Variants in MCF2L2 observed in about 807,000 individuals in gnomAD.
The protein encoded by MCF2L2 is probable guanine nucleotide exchange factor MCF2L2.
In MCF2L2, 102 loss-of-function variants were observed where a neutral mutation model predicts 150.2. The observed-to-expected ratio is 0.68, with a 90% CI of 0.58 to 0.80. The LOEUF is 0.80. MCF2L2 is among the 30% of genes least tolerant of loss of function. MCF2L2 has a pLI of 0.00. For synonymous variants in MCF2L2, 465 were observed against 491.3 expected, an observed-to-expected ratio of 0.95 and a Z score of 0.71; for missense variants, 1,256 against 1,372.8, an observed-to-expected ratio of 0.91 and a Z score of 1.34.
chr3:183,386,207 C>T (rs1713822554), intron 2 of MCF2L2, among the ~76,000 whole-genome samples: 1 of 152,158 alleles, frequency 6.6e-6, no homozygotes, highest in Non-Finnish European at 1.5e-5. Flanking sequence ...GGAATGTGAA[C>T]CCAGAATTGT....
intron 15 of MCF2L2, among the ~76,000 whole-genome samples, chr3:183,248,856 A>G (rs1174468363): frequency 6.6e-6 from 1 of 152,174 alleles, no homozygotes; most frequent in Admixed American, 6.5e-5. Context: ...TATATTTTTA[A>G]AAAAAGAAAA....
At chr3:183,365,925 CA>C (rs1306925051) in intron 3 of MCF2L2, among the ~76,000 whole-genome samples, 1 of 151,606 alleles carries the variant, frequency 6.6e-6, no homozygotes, top group African/African-American at 2.4e-5. Context: ...ATCAAAAACT[CA>C]ATAGAATAAC....
rs747669962 is a variant in MCF2L2, at chr3:183,216,090, C to A, written c.2375G>T (p.Gly792Val). ...PGELGGSAKD[G>V]PKRTKDSAFS... ...TGCTGAATCTTTGGTTCTCTTTGGC[C>A]CATCCTGTGGAAAACAAATGCCTTG... is the stretch of plus-strand genomic sequence containing the variant. Residue 792 changes from glycine to valine, a missense_variant, in exon 22 of 30, where the codon GGG becomes GTG. Physicochemically the swap from Gly to Val is moderately radical, Grantham distance 109. Coordinates refer to ENST00000328913, the MANE Select transcript of MCF2L2 (RefSeq NM_015078.4). The A allele has an allele frequency of 2.5e-6, 4 of 1,613,164 alleles. No homozygotes were observed. Among genetic ancestry groups the A allele is most frequent in the Non-Finnish European group, 3.4e-6 (4 of 1,179,588 alleles).
intron 25 of MCF2L2, among the ~76,000 whole-genome samples, chr3:183,196,487 C>G (rs1399286044): frequency 6.6e-6 from 1 of 152,106 alleles, no homozygotes; most frequent in Non-Finnish European, 1.5e-5. Context: ...ACCTGGGACA[C>G]CATCTTCTCA....
At chr3:183,336,509 T>C (rs1158416361) in intron 5 of MCF2L2, among the ~76,000 whole-genome samples, 4 of 152,174 alleles carry the variant, frequency 2.6e-5, no homozygotes, top group Non-Finnish European at 5.9e-5. Flanking sequence ...TAGAGTTCAA[T>C]TCATTTTGAT....
chr3:183,224,424 C>A, intron 18 of MCF2L2: 1 of 440,450 alleles, frequency 2.3e-6, no homozygotes, highest in Non-Finnish European at 4.1e-6. Flanking sequence ...CTGGGAGCAT[C>A]TACAAGGGCT....
At chr3:183,289,749 G>A (rs970694323) in intron 13 of MCF2L2, among the ~76,000 whole-genome samples, 1 of 152,172 alleles carries the variant, frequency 6.6e-6, no homozygotes, top group Non-Finnish European at 1.5e-5. Flanking sequence ...CTAGTTACTC[G>A]GGAGGCTGAG....
chr3:183,364,515 A>G (rs955759241), intron 3 of MCF2L2, among the ~76,000 whole-genome samples: 3 of 152,030 alleles, frequency 2.0e-5, no homozygotes, highest in Non-Finnish European at 2.9e-5. Flanking sequence ...GCGAGACTCC[A>G]TCTCAAAAAT....
chr3:183,393,431 G>A (rs1056316288), intron 1 of MCF2L2, among the ~76,000 whole-genome samples: 7 of 152,044 alleles, frequency 4.6e-5, no homozygotes, highest in African/African-American at 1.7e-4. Context: ...GACCTCAGGT[G>A]ATCCACCCAC....
At chr3:183,417,873 G>C (rs1715682822) in intron 1 of MCF2L2, among the ~76,000 whole-genome samples, 1 of 152,182 alleles carries the variant, frequency 6.6e-6, no homozygotes, top group South Asian at 2.1e-4. Flanking sequence ...GCAAGGGAGA[G>C]AGAGGGTGCA....
In MCF2L2 at chr3:183,428,325, C is replaced by T; in HGVS notation, c.-348G>A. 3.5e-6 allele frequency: 1 copy of T among 285,892 alleles called. No homozygotes were observed. The highest frequency in any genetic ancestry group is 6.6e-6 in the Non-Finnish European group (1 of 152,220). 17.7% of individuals were successfully genotyped at this position (285,892 alleles called of 1,614,324 possible). A position where few individuals can be genotyped will look rare whatever the true frequency, so the allele number is the denominator to read the frequency against. On this transcript the variant is annotated 5_prime_UTR_variant, in exon 1 of 30. Coordinates refer to ENST00000328913, the MANE Select transcript of MCF2L2 (RefSeq NM_015078.4). This position sits in a 1 kb window ranked among gnomAD's most constrained non-coding sequence, Gnocchi z 5.1. ...GGGCTTCCAGAATCGCGGTCCCGGC[C>T]GCCAGGTTTCCGGCGCCGCCTCCAG...
chr3:183,211,504 A>AC (rs1185167261), intron 22 of MCF2L2, among the ~76,000 whole-genome samples: 1 of 152,158 alleles, frequency 6.6e-6, no homozygotes, highest in African/African-American at 2.4e-5. Flanking sequence ...GCGGGTGAGC[A>AC]CATGCCCTAC....
intron 1 of MCF2L2, among the ~76,000 whole-genome samples, chr3:183,415,576 A>G (rs1036794994): frequency 2.6e-5 from 4 of 152,112 alleles, no homozygotes; most frequent in Admixed American, 6.5e-5. Flanking sequence ...TGTAATTATT[A>G]TATCTTGGTG....
intron 14 of MCF2L2, among the ~76,000 whole-genome samples, chr3:183,281,444 C>CCCT (rs1282495244): frequency 2.0e-5 from 3 of 149,660 alleles, no homozygotes; most frequent in Non-Finnish European, 4.4e-5. Flanking sequence ...AGCACATTCA[C>CCCT]AGATGGTTTG....
Position 183,270,699 on chromosome 3 carries a change from G to T in MCF2L2, c.1862+6173C>A, listed in dbSNP as rs1483994427. 6.2e-7 allele frequency: 1 copy of T among 1,613,902 alleles called. No individual in the cohort carries two copies. Among genetic ancestry groups the T allele is most frequent in the East Asian group, 2.2e-5 (1 of 44,886 alleles). ...AATAGGGATAGTACCGCAGGACCAT[G>T]TGTTTTTTTCTGGAGAGGGTAAAAC... On this transcript the variant is annotated intron_variant, in intron 15 of 29. Coordinates refer to ENST00000328913, the MANE Select transcript of MCF2L2 (RefSeq NM_015078.4). The surrounding 1 kb of genome is among the most constrained non-coding windows in gnomAD (Gnocchi z 4.5).
At chr3:183,204,466 A>G (rs921021653) in intron 25 of MCF2L2, among the ~76,000 whole-genome samples, 55 of 144,810 alleles carry the variant, frequency 3.8e-4, no homozygotes, top group African/African-American at 1.5e-3. Context: ...TGGCAATGAT[A>G]ATAATAATAA....
chr3:183,335,158 T>G (rs543002727), intron 5 of MCF2L2, among the ~76,000 whole-genome samples: 1 of 151,398 alleles, frequency 6.6e-6, no homozygotes, highest in Admixed American at 6.6e-5. Context: ...AGAAAGGCTA[T>G]GAAAATGTTT....
intron 26 of MCF2L2, 90 bp downstream of exon 26, chr3:183,195,132 G>T (rs1722037359): frequency 2.8e-6 from 3 of 1,083,912 alleles, no homozygotes; most frequent in Admixed American, 2.5e-5. Flanking sequence ...AGTGTTGGGG[G>T]AAGAAAAGCA....
intron 10 of MCF2L2, among the ~76,000 whole-genome samples, chr3:183,306,549 C>T (rs868296019): frequency 3.9e-5 from 6 of 152,200 alleles, no homozygotes; most frequent in Middle Eastern, 3.4e-3. Flanking sequence ...AAGAAAGTGG[C>T]GAGAAAGCGA....
Sources: allele counts gnomAD v4.1 joint callset (sites outside exome capture counted in the v4.1 genomes callset), GRCh38; gene constraint gnomAD v4.1.1; non-coding constraint Gnocchi (gnomAD v3.1); transcripts MANE v1.5; gene names NCBI Gene and HGNC (gene_info 2026-07-23, HGNC 2026-07-21).